SBK1: variants seen among roughly 807,000 people sequenced by gnomAD.
SBK1 encodes SH3 domain binding kinase 1.
A neutral mutation model predicts 24.4 loss-of-function variants in SBK1; 11 were observed. The ratio of observed to expected loss-of-function variants is 0.45; its 90% confidence interval spans 0.28 to 0.75. The LOEUF is 0.75. SBK1 is among the 30% of genes least tolerant of loss of function. The pLI is 0.12. For missense variants in SBK1, 467 were observed against 620.5 expected (o/e 0.75, Z 2.63); for synonymous variants, 308 against 284.4 (o/e 1.08, Z -0.83).
chr16:28,314,229 T>C (rs1042276615), intron 1 of SBK1, among the ~76,000 whole-genome samples: 1 of 151,556 alleles, frequency 6.6e-6, no homozygotes, highest in East Asian at 1.9e-4. Flanking sequence ...TGATCATAGC[T>C]CACTGCAGCC....
chr16:28,292,339 C>A (rs2044605160), upstream of SBK1, among the ~76,000 whole-genome samples: 1 of 138,062 alleles, frequency 7.2e-6, no homozygotes, highest in Non-Finnish European at 1.6e-5. Context: ...GGGGTGGGGG[C>A]GCCGCGCGGG....
Position 28,322,921 on chromosome 16 carries a change from TC to T in SBK1, c.*2001del. On this transcript the variant is annotated 3_prime_UTR_variant, in exon 4 of 4. Transcript: ENST00000341901. ...TGCTCGCTCTCTCTCTCGCGCGCGC[TC>T]TCTCTCTCCCTCTCTCTCTCTCTCT... 4.1e-5 allele frequency: 1 copy of T among 24,172 alleles called. No individual in the cohort carries two copies. The highest frequency in any genetic ancestry group is 1.5e-4 in the African/African-American group (1 of 6,490). The allele number at this position is 24,172 out of a possible 1,614,324, so 1.5% of individuals were successfully genotyped here.
chr16:28,305,788 G>T (rs544134676), intron 1 of SBK1, among the ~76,000 whole-genome samples: 205 of 152,078 alleles, frequency 1.3e-3, no homozygotes, highest in African/African-American at 4.6e-3. Flanking sequence ...TGATCCACCC[G>T]CCTCAGCCTC....
At chr16:28,307,529 C>T (rs185579087) in intron 1 of SBK1, among the ~76,000 whole-genome samples, 61 of 152,200 alleles carry the variant, frequency 4.0e-4, no homozygotes, top group African/African-American at 1.4e-4. Flanking sequence ...CACTTGAGGT[C>T]AGGAGTTAGA....
intron 1 of SBK1, among the ~76,000 whole-genome samples, chr16:28,284,599 G>C (rs2044554085): frequency 6.6e-6 from 1 of 152,260 alleles, no homozygotes; most frequent in South Asian, 2.1e-4. Context: ...CTCAGAGTGT[G>C]AGAGAGGAGG....
At chr16:28,280,866 T>C (rs549907350) in intron 1 of SBK1, among the ~76,000 whole-genome samples, 25 of 152,220 alleles carry the variant, frequency 1.6e-4, no homozygotes, top group Non-Finnish European at 3.1e-4. Context: ...TGTTTTGCCA[T>C]GTTGGCCAGA....
chr16:28,299,601 G>A (rs1174678456), intron 1 of SBK1, among the ~76,000 whole-genome samples: 3 of 152,080 alleles, frequency 2.0e-5, no homozygotes, highest in Non-Finnish European at 2.9e-5. Context: ...CTTGCCCCAG[G>A]CCTCCCCGAG....
intron 1 of SBK1, among the ~76,000 whole-genome samples, chr16:28,299,287 C>G (rs1295652934): frequency 1.3e-5 from 2 of 152,136 alleles, no homozygotes; most frequent in African/African-American, 4.8e-5. Context: ...ACCCAGTACC[C>G]ATTAAGGGTT....
intron 1 of SBK1, among the ~76,000 whole-genome samples, chr16:28,279,620 A>G (rs1327019968): frequency 6.6e-6 from 1 of 152,132 alleles, no homozygotes; most frequent in Non-Finnish European, 1.5e-5. Flanking sequence ...GTTATTTAGT[A>G]TCCTATGGTT....
At chr16:28,311,312 C>T (rs559357980) in intron 1 of SBK1, among the ~76,000 whole-genome samples, 9 of 152,132 alleles carry the variant, frequency 5.9e-5, no homozygotes, top group South Asian at 4.2e-4. Context: ...GGAGTCAGCA[C>T]GTGTGAGGGC....
At chr16:28,292,441 A>G, upstream of SBK1, 1 of 739,322 alleles carries the variant, frequency 1.4e-6, no homozygotes, top group South Asian at 5.9e-5. Context: ...GGGACGGACA[A>G]AGGGGCGGGC....
chr16:28,260,876 C>T (rs1728504668), intron 1 of SBK1, among the ~76,000 whole-genome samples: 1 of 152,188 alleles, frequency 6.6e-6, no homozygotes, highest in African/African-American at 2.4e-5. Context: ...CACCTCTGCC[C>T]ACAGGAGCCA....
In SBK1 at chr16:28,317,620, G is replaced by A; in HGVS notation, c.226+3G>A. 2 of 1,545,588 alleles carry A rather than the reference G, an allele frequency of 1.3e-6. No homozygotes were observed. The highest frequency in any genetic ancestry group is 1.1e-5 in the South Asian group (1 of 90,092). ...CCTGGTGGTCTACAAGGGCACAGGT[G>A]AACAAGTGCAGGGTGGCAGGGCTGA... is the stretch of plus-strand genomic sequence containing the variant. On this transcript the variant is annotated splice_donor_region_variant and intron_variant, in intron 2 of 3. Coordinates refer to ENST00000341901, the MANE Select transcript of SBK1 (RefSeq NM_001024401.3). The surrounding 1 kb of genome is among the most constrained non-coding windows in gnomAD (Gnocchi z 4.2).
At chr16:28,261,428 TACACACAC>T (rs35296302) in intron 1 of SBK1, among the ~76,000 whole-genome samples, 7,923 of 124,602 alleles carry the variant, frequency 0.064, 267 homozygotes, top group African/African-American at 0.078. Flanking sequence ...GACTCCCGTC[TACACACAC>T]ACACACACAC....
chr16:28,292,727 C>T lies in SBK1; in HGVS notation c.-581C>T. On this transcript the variant is annotated 5_prime_UTR_variant, in exon 1 of 4. Coordinates refer to ENST00000341901, the MANE Select transcript of SBK1 (RefSeq NM_001024401.3). ...CGCCGGTGGCCGGGACCCACTAAAG[C>T]CCCCGCAGCCGAGGAGTGCGGGGAG... 1 of 984,490 alleles carries T rather than the reference C, an allele frequency of 1.0e-6. No individual in the cohort carries two copies. Among genetic ancestry groups the T allele is most frequent in the African/African-American group, 1.7e-5 (1 of 57,298 alleles). The allele number at this position is 984,490 out of a possible 1,614,324, so 61.0% of individuals were successfully genotyped here.
intron 1 of SBK1, among the ~76,000 whole-genome samples, chr16:28,308,036 C>T (rs548867736): frequency 1.3e-5 from 2 of 152,324 alleles, no homozygotes; most frequent in African/African-American, 4.8e-5. Flanking sequence ...TGGTCACTCT[C>T]CACCTACTTC....
chr16:28,272,599 T>TTTC (rs2044472292), intron 1 of SBK1, among the ~76,000 whole-genome samples: 2 of 145,734 alleles, frequency 1.4e-5, no homozygotes, highest in African/African-American at 5.4e-5. Flanking sequence ...CACATATTTT[T>TTTC]TTTCTTTCTT....
chr16:28,321,058 A>C lies in SBK1; in HGVS notation c.*137A>C. ...TAGACTAGGCAGGACGCGGCCCGGC[A>C]CCTGGTCCGTCCCCGGCGGGCTGGT... On this transcript the variant is annotated 3_prime_UTR_variant, in exon 4 of 4. Coordinates refer to ENST00000341901, the MANE Select transcript of SBK1 (RefSeq NM_001024401.3). 1.2e-6 allele frequency: 1 copy of C among 817,046 alleles called. No individual in the cohort carries two copies. The highest frequency in any genetic ancestry group is 1.7e-6 in the Non-Finnish European group (1 of 597,940). The allele number at this position is 817,046 out of a possible 1,614,324, so 50.6% of individuals were successfully genotyped here.
At chr16:28,268,229 T>C (rs987048913) in intron 1 of SBK1, among the ~76,000 whole-genome samples, 6 of 151,448 alleles carry the variant, frequency 4.0e-5, no homozygotes, top group Admixed American at 3.3e-4. Flanking sequence ...TAGTAACAGT[T>C]CTGGGGGTTT....
Sources: allele counts gnomAD v4.1 joint callset (sites outside exome capture counted in the v4.1 genomes callset), GRCh38; gene constraint gnomAD v4.1.1; non-coding constraint Gnocchi (gnomAD v3.1); transcripts MANE v1.5; gene names NCBI Gene and HGNC (gene_info 2026-07-23, HGNC 2026-07-21).